SLC5A10: variants seen among roughly 807,000 people sequenced by gnomAD.
SLC5A10 encodes sodium/mannose cotransporter SLC5A10.
In SLC5A10, 55 loss-of-function variants were observed where a neutral mutation model predicts 68.9. The observed-to-expected ratio is 0.80, with a 90% CI of 0.64 to 1.00. The LOEUF is 1.00. SLC5A10 is among the 50% of genes least tolerant of loss of function. The pLI, the probability that SLC5A10 is intolerant of heterozygous loss-of-function variation, is 0.00. For synonymous variants in SLC5A10, 344 were observed against 344.8 expected (o/e 1.00, Z 0.02); for missense variants, 732 against 819.3 (o/e 0.89, Z 1.30).
rs1273293571 is a variant in SLC5A10, at chr17:19,015,154, G to A, written c.1196G>A (p.Arg399Gln). ...STLFTMDIWR[R>Q]LRPRSGEREL... ...CTCTTCACTATGGACATCTGGAGGCGGCTGCGTCCCCGCTCCGGCGAGCGG... is the reference window on the plus strand; with the variant it reads ...CTCTTCACTATGGACATCTGGAGGCAGCTGCGTCCCCGCTCCGGCGAGCGG... Residue 399 changes from arginine to glutamine, a missense_variant, in exon 11 of 15, where the codon CGG (arginine) becomes CAG (glutamine). By Grantham distance (43) the Arg-to-Gln change is conservative (BLOSUM62 1). Transcript: ENST00000395645. The A allele has an allele frequency of 5.6e-6, 9 of 1,613,240 alleles. No homozygotes were observed. The highest frequency in any genetic ancestry group is 5.9e-6 in the Non-Finnish European group (7 of 1,179,486).
chr17:18,977,680 G>T, intron 9 of SLC5A10: 1 of 1,610,524 alleles, frequency 6.2e-7, no homozygotes, highest in Non-Finnish European at 8.5e-7. Flanking sequence ...AGCCACCCTG[G>T]GGTCCAACAA....
intron 4 of SLC5A10, among the ~76,000 whole-genome samples, chr17:18,960,033 C>G (rs1204653798): frequency 6.6e-6 from 1 of 152,144 alleles, no homozygotes; most frequent in African/African-American, 2.4e-5. Flanking sequence ...GGCTGTACCC[C>G]TGGGCTGCGT....
intron 9 of SLC5A10, among the ~76,000 whole-genome samples, chr17:18,981,945 G>A (rs1019019094): frequency 2.6e-5 from 4 of 152,142 alleles, no homozygotes; most frequent in Non-Finnish European, 4.4e-5. Context: ...GAGCCCAACC[G>A]AGCCCAGCTC....
chr17:18,997,940 A>T (rs1278038999), intron 9 of SLC5A10, among the ~76,000 whole-genome samples: 2 of 152,254 alleles, frequency 1.3e-5, no homozygotes, highest in Non-Finnish European at 2.9e-5. Flanking sequence ...TGTTAGCACT[A>T]CCATGACACT....
At chr17:18,985,289 C>T (rs1307727979) in intron 9 of SLC5A10, among the ~76,000 whole-genome samples, 2 of 152,206 alleles carry the variant, frequency 1.3e-5, no homozygotes, top group Non-Finnish European at 2.9e-5. Flanking sequence ...GTAGACAAGA[C>T]AATGGAGGCC....
chr17:19,020,093 T>C (rs954399201), intron 13 of SLC5A10, 62 bp from the exon 14 acceptor site: 3 of 1,499,072 alleles, frequency 2.0e-6, no homozygotes, highest in Non-Finnish European at 2.7e-6. Flanking sequence ...TTTGATCCTG[T>C]CTGGGTCACC....
intron 8 of SLC5A10, chr17:18,976,189 A>AAAAAAAAAAAAAAAC (rs2042976050): frequency 6.6e-6 from 1 of 151,054 alleles, no homozygotes; most frequent in African/African-American, 2.4e-5. Context: ...CTCCGACTCA[A>AAAAAAAAAAAAAAAC]AAAAAAAGTA....
upstream of SLC5A10, chr17:18,951,923 C>T: frequency 2.3e-6 from 1 of 427,788 alleles, no homozygotes; most frequent in South Asian, 3.1e-5. Context: ...GTTCATTTTC[C>T]CCAAGCCCCC....
intron 9 of SLC5A10, among the ~76,000 whole-genome samples, chr17:18,984,147 C>G (rs1411406621): frequency 6.6e-6 from 1 of 151,962 alleles, no homozygotes; most frequent in Non-Finnish European, 1.5e-5. Context: ...TCGAGACCAT[C>G]CTGGCTAACA....
In SLC5A10 at chr17:19,019,405, C is replaced by A. The variant is rs776472136; in HGVS notation, c.1242-18C>A. On this transcript the variant is annotated intron_variant, in intron 11 of 14. Coordinates refer to ENST00000395645, the MANE Select transcript of SLC5A10 (RefSeq NM_001042450.4). ...AGCCTCCCACGACGACCGCTGCCTG[C>A]CTTCCACTCGCCTGCAGGCTGGTCA... is the stretch of plus-strand genomic sequence containing the variant. The A allele has an allele frequency of 1.2e-6, 2 of 1,602,174 alleles. No individual in the cohort carries two copies. Among genetic ancestry groups the A allele is most frequent in the South Asian group, 1.1e-5 (1 of 90,590 alleles).
At position 19,019,925 on chromosome 17, in the gene SLC5A10, C is replaced by A; in HGVS notation, c.1623C>A (p.Val541=). ...GSLLTPPPQS[V]QIENLTWWTL... is the part of the protein sequence containing the mutation. ...TGCTGACCCCACCCCCACAGAGTGT[C>A]CAGGTGAGCCAGCCCTGACCCCTGA... The change falls in exon 13 of 15, where the codon GTC becomes GTA. Residue 541 remains valine, a synonymous_variant. Coordinates refer to ENST00000395645, the MANE Select transcript of SLC5A10 (RefSeq NM_001042450.4). 3 of 1,602,296 alleles carry A rather than the reference C, an allele frequency of 1.9e-6. No individual in the cohort carries two copies. Among genetic ancestry groups the A allele is most frequent in the Non-Finnish European group, 2.6e-6 (3 of 1,175,506 alleles).
upstream of SLC5A10, chr17:18,951,992 G>A: frequency 1.6e-6 from 1 of 610,230 alleles, no homozygotes; most frequent in Non-Finnish European, 2.6e-6. Flanking sequence ...CAGGCTCCCT[G>A]ACTCCTGCGC....
In SLC5A10 at chr17:19,021,927, A is replaced by C; in HGVS notation, c.*1496A>C. On this transcript the variant is annotated 3_prime_UTR_variant, in exon 15 of 15. Transcript: ENST00000395645. This position sits in a 1 kb window ranked among gnomAD's most constrained non-coding sequence, Gnocchi z 4.1. ...TCTCTGGACCTCAGTTCCTGTAAAA[A>C]GGCCCGTTGGCCAGATCGGCCGCCG... The C allele has an allele frequency of 6.8e-7, 1 of 1,467,572 alleles. No individual in the cohort carries two copies. The highest frequency in any genetic ancestry group is 9.0e-7 in the Non-Finnish European group (1 of 1,109,872). The allele number at this position is 1,467,572 out of a possible 1,614,324, so 90.9% of individuals were successfully genotyped here. A position where few individuals can be genotyped will look rare whatever the true frequency, so the allele number is the denominator to read the frequency against.
At chr17:19,011,767 G>A (rs1302964886) in intron 9 of SLC5A10, among the ~76,000 whole-genome samples, 1 of 151,828 alleles carries the variant, frequency 6.6e-6, no homozygotes, top group Non-Finnish European at 1.5e-5. Flanking sequence ...ACTGGGACAT[G>A]TTCAAGGGTG....
chr17:18,988,201 T>C, intron 9 of SLC5A10: 1 of 1,591,418 alleles, frequency 6.3e-7, no homozygotes, highest in Middle Eastern at 1.9e-4. Flanking sequence ...ACAGACTGAA[T>C]GACCCCTGCC....
chr17:18,982,645 G>A (rs2043168515), intron 9 of SLC5A10, among the ~76,000 whole-genome samples: 1 of 152,162 alleles, frequency 6.6e-6, no homozygotes, highest in Non-Finnish European at 1.5e-5. Flanking sequence ...CAAGGTGGGG[G>A]CTCCAGGGCT....
intron 5 of SLC5A10, among the ~76,000 whole-genome samples, chr17:18,966,585 G>C (rs2042712700): frequency 6.6e-6 from 1 of 151,978 alleles, no homozygotes; most frequent in Admixed American, 6.6e-5. Flanking sequence ...CCAACATGGT[G>C]AAACCATGTA....
intron 9 of SLC5A10, among the ~76,000 whole-genome samples, chr17:18,981,849 G>A (rs1003350664): frequency 3.3e-5 from 5 of 152,202 alleles, no homozygotes; most frequent in Non-Finnish European, 7.3e-5. Flanking sequence ...ATTAGCGCTC[G>A]TGACTTTGTA....
At chr17:19,015,018 A>T (rs2044104115) in intron 10 of SLC5A10, 31 bp from the exon 11 acceptor site, 3 of 1,600,120 alleles carry the variant, frequency 1.9e-6, no homozygotes, top group Non-Finnish European at 2.6e-6. Context: ...TCAAGGCCGG[A>T]CAGGGTCACA....
Sources: allele counts gnomAD v4.1 joint callset (sites outside exome capture counted in the v4.1 genomes callset), GRCh38; gene constraint gnomAD v4.1.1; non-coding constraint Gnocchi (gnomAD v3.1); transcripts MANE v1.5; gene names NCBI Gene and HGNC (gene_info 2026-07-23, HGNC 2026-07-21).